Variants in PLD1 observed in about 807,000 individuals in gnomAD.
The protein encoded by PLD1 is phospholipase D1, also known as choline phosphatase 1.
Under a neutral mutation model 137.1 loss-of-function variants are expected in PLD1, and 112 were observed. The ratio of observed to expected loss-of-function variants is 0.82; its 90% CI spans 0.70 to 0.96. The LOEUF is 0.96. PLD1 is among the 40% of genes least tolerant of loss of function. The probability of loss-of-function intolerance (pLI) is 0.00; values close to 1 mark genes in which losing one functional copy is unlikely to be tolerated. For missense variants in PLD1, 1,321 were observed against 1,342.0 expected (o/e 0.98, Z 0.24); for synonymous variants, 431 against 454.7 (o/e 0.95, Z 0.66).
At chr3:171,671,829 A>G (rs1050242968) in intron 19 of PLD1, among the ~76,000 whole-genome samples, 2 of 152,096 alleles carry the variant, frequency 1.3e-5, no homozygotes, top group Non-Finnish European at 2.9e-5. Context: ...TCTCACAGGT[A>G]AATTCAGTTT....
chr3:171,719,327 C>T (rs1335929556), intron 8 of PLD1, among the ~76,000 whole-genome samples: 2 of 152,182 alleles, frequency 1.3e-5, no homozygotes, highest in African/African-American at 4.8e-5. Context: ...TATTTGTCTT[C>T]TTGTTTATTG....
At chr3:171,712,889 A>G (rs2108574168) in intron 9 of PLD1, among the ~76,000 whole-genome samples, 1 of 152,348 alleles carries the variant, frequency 6.6e-6, no homozygotes, top group Non-Finnish European at 1.5e-5. Flanking sequence ...CTCATAGAAT[A>G]TCATCAGGAA....
chr3:171,643,063 GCTA>G (rs1735903012), intron 22 of PLD1, 174 bp from the exon 23 acceptor site: 1 of 514,148 alleles, frequency 1.9e-6, no homozygotes, highest in Non-Finnish European at 3.4e-6. Context: ...CTTTTGTAAT[GCTA>G]CTAATAGGGA....
chr3:171,677,524 A>G, intron 17 of PLD1, 42 bp downstream of exon 17: 1 of 1,592,344 alleles, frequency 6.3e-7, no homozygotes. Context: ...TTCAAAGGTA[A>G]AAGACAAAAT....
At chr3:171,780,414 CT>C (rs1309379168) in intron 1 of PLD1, among the ~76,000 whole-genome samples, 1 of 152,084 alleles carries the variant, frequency 6.6e-6, no homozygotes, top group Non-Finnish European at 1.5e-5. Context: ...TGGTAGTTAG[CT>C]TTAAGCAACA....
At chr3:171,742,762 T>C (rs150142953) in intron 1 of PLD1, among the ~76,000 whole-genome samples, 149 of 152,306 alleles carry the variant, frequency 9.8e-4, no homozygotes, top group African/African-American at 3.5e-3. Flanking sequence ...ATAAAAATTA[T>C]AAATGTGGAT....
At chr3:171,740,647 A>C (rs1719712139) in intron 1 of PLD1, among the ~76,000 whole-genome samples, 1 of 152,234 alleles carries the variant, frequency 6.6e-6, no homozygotes, top group African/African-American at 2.4e-5. Context: ...ACACAGTGTT[A>C]CAGAGCCAAT....
chr3:171,689,905 A>G (rs959615926), intron 13 of PLD1, among the ~76,000 whole-genome samples: 3 of 152,246 alleles, frequency 2.0e-5, no homozygotes, highest in African/African-American at 7.2e-5. Flanking sequence ...CAGTGGTATC[A>G]GGGTAATGAG....
At chr3:171,758,162 T>A (rs1028920070) in intron 1 of PLD1, among the ~76,000 whole-genome samples, 70 of 152,244 alleles carry the variant, frequency 4.6e-4, no homozygotes, top group Non-Finnish European at 3.8e-4. Context: ...TTATTAAGTA[T>A]GTACATTATA....
At position 171,686,727 on chromosome 3, in the gene PLD1, G is replaced by A. The variant is rs928955246; in HGVS notation, c.1825C>T (p.Pro609Ser). The change falls in exon 16 of 27, where the codon CCG (proline) becomes TCG (serine). Residue 609 changes from proline to serine, a missense_variant. Transcript: ENST00000351298. ...AGTCCTTGCTCAGACTCACTGGACG[G>A]GTGAAAGAGTTTGAAGTGGGGTTTT... ...GLKPHFKLFH[P>S]SSESEQGLTR... 14 of 1,609,458 alleles carry A rather than the reference G, an allele frequency of 8.7e-6. No individual in the cohort carries two copies. The highest frequency in any genetic ancestry group is 1.2e-5 in the Non-Finnish European group (14 of 1,175,972).
rs1472792511 is a variant in PLD1, at chr3:171,735,700, G to A, written c.289-63C>T. ...ACAACAAAAATTCCAAAAGCTTTCA[G>A]TGAACAATATTTAACTAGTAACAGA... On this transcript the variant is annotated intron_variant, in intron 3 of 26. Transcript: ENST00000351298. 31 of 924,658 alleles carry A rather than the reference G, an allele frequency of 3.4e-5. No individual in the cohort carries two copies. In the East Asian group the frequency reaches 7.8e-4, roughly 23 times the overall value. 57.3% of individuals were successfully genotyped at this position (924,658 alleles called of 1,614,324 possible).
intron 9 of PLD1, among the ~76,000 whole-genome samples, chr3:171,711,683 C>G (rs1717243313): frequency 6.6e-6 from 1 of 151,974 alleles, no homozygotes; most frequent in Non-Finnish European, 1.5e-5. Flanking sequence ...TGGGAGGTGG[C>G]CATCTTGCTA....
intron 11 of PLD1, among the ~76,000 whole-genome samples, chr3:171,701,131 A>G (rs570896711): frequency 6.6e-6 from 1 of 152,356 alleles, no homozygotes; most frequent in East Asian, 1.9e-4. Context: ...CAGTTAAAGA[A>G]AATAAAAACC....
chr3:171,789,030 G>A lies in PLD1; in HGVS notation c.-32+21369C>T, dbSNP rs183715421. 3.1e-4 allele frequency: 47 copies of A among 152,422 alleles called. No individual in the cohort carries two copies. The East Asian group carries it at 8.1e-3, about 26-fold the overall frequency. 9.4% of individuals were successfully genotyped at this position (152,422 alleles called of 1,614,324 possible). On this transcript the variant is annotated intron_variant, in intron 1 of 26. Transcript: ENST00000351298. ...CTCAAAAAGCTGGCAAACTCATGGA[G>A]GAGGCAGTCTACATGGCCCAGCCAA...
At chr3:171,728,660 C>T (rs755664389) in intron 6 of PLD1, among the ~76,000 whole-genome samples, 1 of 152,116 alleles carries the variant, frequency 6.6e-6, no homozygotes, top group Non-Finnish European at 1.5e-5. Context: ...TCAAGGAAGC[C>T]ACTAATCTAA....
chr3:171,676,643 C>T, intron 18 of PLD1, 72 bp downstream of exon 18: 2 of 1,135,156 alleles, frequency 1.8e-6, no homozygotes, highest in Admixed American at 1.7e-5. Context: ...CTACCAGCCT[C>T]CTCTAAACCT....
intron 9 of PLD1, 134 bp from the exon 10 acceptor site, chr3:171,709,843 T>C: frequency 1.5e-6 from 1 of 689,476 alleles, no homozygotes; most frequent in South Asian, 2.1e-5. Flanking sequence ...CATTTAACAT[T>C]TTTTGGTAGT....
chr3:171,783,531 G>C (rs1039615534), intron 1 of PLD1, among the ~76,000 whole-genome samples: 1 of 152,138 alleles, frequency 6.6e-6, no homozygotes, highest in Non-Finnish European at 1.5e-5. Context: ...TTACAAGACA[G>C]AGCATAAAAG....
intron 1 of PLD1, among the ~76,000 whole-genome samples, chr3:171,767,072 TG>T (rs1722025819): frequency 1.3e-5 from 2 of 152,240 alleles, no homozygotes; most frequent in Admixed American, 6.5e-5. Context: ...GAAGTCATAC[TG>T]GGCAGAAATA....
Sources: allele counts gnomAD v4.1 joint callset (sites outside exome capture counted in the v4.1 genomes callset), GRCh38; gene constraint gnomAD v4.1.1; transcripts MANE v1.5; gene names NCBI Gene and HGNC (gene_info 2026-07-23, HGNC 2026-07-21).